The following SLC9A1 variants were observed in gnomAD, a reference collection of about 807,000 sequenced individuals.
SLC9A1 encodes the protein sodium/hydrogen exchanger 1.
SLC9A1 carries 22 observed loss-of-function variants against 67.9 expected under a neutral mutation model. The observed-to-expected ratio is 0.32, with a 90% CI of 0.23 to 0.46. The LOEUF (loss-of-function observed/expected upper bound fraction) is 0.46, where lower values mean the gene tolerates loss of function less well. SLC9A1 is among the 20% of genes least tolerant of loss of function. The probability of loss-of-function intolerance (pLI) is 1.00; values close to 1 mark genes in which losing one functional copy is unlikely to be tolerated. For missense variants in SLC9A1, 686 were observed against 1,094.8 expected (o/e 0.63, Z 5.27); for synonymous variants, 421 against 471.8 (o/e 0.89, Z 1.40).
intron 1 of SLC9A1, among the ~76,000 whole-genome samples, chr1:27,132,955 G>A (rs1291146558): frequency 6.6e-6 from 1 of 152,210 alleles, no homozygotes; most frequent in African/African-American, 2.4e-5. Context: ...CCGGGAGAGT[G>A]GGACCCACCT....
intron 1 of SLC9A1, among the ~76,000 whole-genome samples, chr1:27,116,623 T>G (rs539064514): frequency 6.6e-6 from 1 of 152,262 alleles, no homozygotes; most frequent in South Asian, 2.1e-4. Context: ...AATCACCCCT[T>G]TTGCTGAAAA....
At chr1:27,149,661 C>T (rs2083513845) in intron 1 of SLC9A1, among the ~76,000 whole-genome samples, 1 of 152,206 alleles carries the variant, frequency 6.6e-6, no homozygotes, top group African/African-American at 2.4e-5. Context: ...GGCACTCTAC[C>T]AGGCATTCCC....
chr1:27,142,143 T>C (rs1351540792), intron 1 of SLC9A1, among the ~76,000 whole-genome samples: 2 of 152,170 alleles, frequency 1.3e-5, no homozygotes, highest in African/African-American at 4.8e-5. Flanking sequence ...CTGGAAGAAC[T>C]GAGGTTTGCC....
At chr1:27,124,487 T>C (rs1207943755) in intron 1 of SLC9A1, among the ~76,000 whole-genome samples, 2 of 152,154 alleles carry the variant, frequency 1.3e-5, no homozygotes, top group African/African-American at 2.4e-5. Context: ...GAGGTACCAG[T>C]AGGAAAGCAA....
intron 1 of SLC9A1, among the ~76,000 whole-genome samples, chr1:27,136,806 C>T (rs1312763732): frequency 6.6e-6 from 1 of 152,192 alleles, no homozygotes; most frequent in Non-Finnish European, 1.5e-5. Flanking sequence ...GAGCCAAGAA[C>T]ACTGGGGGAA....
chr1:27,105,605 A>G (rs1478044131), intron 5 of SLC9A1: 1 of 659,918 alleles, frequency 1.5e-6, no homozygotes, highest in African/African-American at 1.8e-5. Flanking sequence ...GCCAGTACCC[A>G]CTTCTCTTAA....
intron 2 of SLC9A1, among the ~76,000 whole-genome samples, chr1:27,111,855 A>G (rs1447233393): frequency 6.6e-6 from 1 of 152,118 alleles, no homozygotes; most frequent in Non-Finnish European, 1.5e-5. Context: ...TCAGACAGGA[A>G]GCACCCAATG....
chr1:27,102,958 C>G (rs1254065943), intron 6 of SLC9A1, among the ~76,000 whole-genome samples: 1 of 152,170 alleles, frequency 6.6e-6, no homozygotes, highest in Non-Finnish European at 1.5e-5. Flanking sequence ...CGGCTGAGCC[C>G]CCTTCTCTAA....
chr1:27,118,536 A>C lies in SLC9A1; in HGVS notation c.353-4250T>G, dbSNP rs2083286018. On this transcript the variant is annotated intron_variant, in intron 1 of 11. Coordinates refer to ENST00000263980, the MANE Select transcript of SLC9A1 (RefSeq NM_003047.5). The surrounding 1 kb of genome is among the most constrained non-coding windows in gnomAD (Gnocchi z 4.3). ...ATGCTTGCTGACACCCGGTGTGGTG[A>C]AAGGGGCACAGAAGGATGGCTGCGG... Among the ~76,000 whole-genome samples the C allele has an allele frequency of 6.6e-6, 1 of 152,176 alleles. No homozygotes were observed. Among genetic ancestry groups the C allele is most frequent in the South Asian group, 2.1e-4 (1 of 4,830 alleles).
At position 27,109,622 on chromosome 1, in the gene SLC9A1, G is replaced by A. The variant is rs1402626535; in HGVS notation, c.969C>T (p.Thr323=). 6 of 1,613,932 alleles carry A rather than the reference G, an allele frequency of 3.7e-6. No individual in the cohort carries two copies. The highest frequency in any genetic ancestry group is 5.1e-6 in the Non-Finnish European group (6 of 1,179,992). Residue 323 remains threonine, a synonymous_variant, in exon 3 of 12, where the codon ACC becomes ACT. Transcript: ENST00000263980. The surrounding 1 kb of genome is among the most constrained non-coding windows in gnomAD (Gnocchi z 5.5). The stretch of plus-strand genomic sequence containing the variant: ...GCGGCTCGATGACCCGGATGTGGGA[G>A]GTAAATCGGGAGGTGAAGGCTGCGA... ...GVIAAFTSRF[T]SHIRVIEPLF... is the part of the protein sequence containing the mutation.
rs1314911391 is a variant in SLC9A1, at chr1:27,106,647, G to GCCT, written c.1283-561_1283-560insAGG. ...GAGAGGAAGTGAGAGATCCAGGGAG[G>GCCT]AGGCGACTGAGGCACTGGGGTGAGG... On this transcript the variant is annotated intron_variant, in intron 4 of 11. Transcript: ENST00000263980. This position sits in a 1 kb window ranked among gnomAD's most constrained non-coding sequence, Gnocchi z 4.3. 6.6e-6 allele frequency among the ~76,000 whole-genome samples: 1 copy of GCCT among 152,058 alleles called. No homozygotes were observed. Among genetic ancestry groups the GCCT allele is most frequent in the African/African-American group, 2.4e-5 (1 of 41,378 alleles).
At position 27,109,494 on chromosome 1, in the gene SLC9A1, G is replaced by T; in HGVS notation, c.1064+33C>A. 1 of 1,160,448 alleles carries T rather than the reference G, an allele frequency of 8.6e-7. No homozygotes were observed. The highest frequency in any genetic ancestry group is 1.2e-6 in the Non-Finnish European group (1 of 822,718). 71.9% of individuals were successfully genotyped at this position (1,160,448 alleles called of 1,614,324 possible). A position where few individuals can be genotyped will look rare whatever the true frequency, so the allele number is the denominator to read the frequency against. ...AGCTGGCAGCCCCCGCCCCCACCCCGCCAAGCCCACTGCCTGCTGCACGCA... is the reference window on the plus strand; with the variant it reads ...AGCTGGCAGCCCCCGCCCCCACCCCTCCAAGCCCACTGCCTGCTGCACGCA... On this transcript the variant is annotated intron_variant, in intron 3 of 11. Transcript: ENST00000263980. This position sits in a 1 kb window ranked among gnomAD's most constrained non-coding sequence, Gnocchi z 5.5.
Position 27,109,585 on chromosome 1 carries a change from GGAAGAC to G in SLC9A1, c.1000_1005del (p.Val334_Phe335del). The G allele has an allele frequency of 6.2e-7, 1 of 1,614,052 alleles. No homozygotes were observed. Among genetic ancestry groups the G allele is most frequent in the Non-Finnish European group, 8.5e-7 (1 of 1,180,014 alleles). On this transcript the variant is annotated inframe_deletion, in exon 3 of 12. Transcript: ENST00000263980. This position sits in a 1 kb window ranked among gnomAD's most constrained non-coding sequence, Gnocchi z 5.5. ...GACAAGTAGGCCATGTAGCTGTAGA[GGAAGAC>G]GAAGAGCGGCTCGATGACCCGGATG...
intron 5 of SLC9A1, chr1:27,103,618 C>G: frequency 2.5e-6 from 1 of 400,036 alleles, no homozygotes; most frequent in Admixed American, 3.6e-5. Context: ...CACAGACTTG[C>G]TCTGCAACCC....
intron 1 of SLC9A1, among the ~76,000 whole-genome samples, chr1:27,150,055 T>G (rs867508611): frequency 1.3e-5 from 2 of 152,236 alleles, no homozygotes; most frequent in African/African-American, 4.8e-5. Flanking sequence ...GCTTCCTTTT[T>G]AGAGTCCTAT....
At chr1:27,102,233 G>T in intron 8 of SLC9A1, 103 bp from the exon 9 acceptor site, 1 of 1,321,598 alleles carries the variant, frequency 7.6e-7, no homozygotes, top group Non-Finnish European at 1.1e-6. Context: ...CCAGGTGGGC[G>T]CCAAAGCCTC....
In SLC9A1 at chr1:27,100,677, C is replaced by G; in HGVS notation, c.2111-33G>C. On this transcript the variant is annotated intron_variant, in intron 11 of 11. Transcript: ENST00000263980. The surrounding 1 kb of genome is among the most constrained non-coding windows in gnomAD (Gnocchi z 5.6). ...CCAAGAGCAAGGCACAAGCTGGGTTCCGCTCTGGAGCCCGGCCCAGCACGT... is the reference window on the plus strand; with the variant it reads ...CCAAGAGCAAGGCACAAGCTGGGTTGCGCTCTGGAGCCCGGCCCAGCACGT... The G allele has an allele frequency of 6.4e-7, 1 of 1,557,868 alleles. No homozygotes were observed. Among genetic ancestry groups the G allele is most frequent in the Non-Finnish European group, 8.7e-7 (1 of 1,146,624 alleles).
At chr1:27,146,435 C>A (rs971886781) in intron 1 of SLC9A1, among the ~76,000 whole-genome samples, 26 of 152,198 alleles carry the variant, frequency 1.7e-4, no homozygotes, top group Non-Finnish European at 2.8e-4. Flanking sequence ...ATACTAAAGT[C>A]TTTAAATCTC....
intron 1 of SLC9A1, among the ~76,000 whole-genome samples, chr1:27,123,817 T>C (rs1012550334): frequency 2.0e-5 from 3 of 151,816 alleles, no homozygotes; most frequent in African/African-American, 4.8e-5. Context: ...AGCCCTTTTA[T>C]TGGGCTTTAA....
Sources: gnomAD v4.1 joint callset for allele counts (sites outside exome capture counted in the v4.1 genomes callset) on GRCh38, gnomAD v4.1.1 for gene constraint, Gnocchi (gnomAD v3.1) non-coding constraint, MANE v1.5 for transcripts, NCBI Gene and HGNC (gene_info 2026-07-23, HGNC 2026-07-21) for gene names.